MTMR10: variants seen among roughly 807,000 people sequenced by gnomAD.
The protein encoded by MTMR10 is myotubularin related protein 10.
A neutral mutation model predicts 88.1 loss-of-function variants in MTMR10; 56 were observed. The ratio of observed to expected loss-of-function variants is 0.64; its 90% CI spans 0.51 to 0.79. The LOEUF is 0.79. Ranked by LOEUF, MTMR10 falls within the 30% of genes least tolerant of loss-of-function variation. MTMR10 has a pLI of 0.00. For missense variants in MTMR10, 883 were observed against 924.7 expected (o/e 0.95, Z 0.58); for synonymous variants, 380 against 340.9 (o/e 1.11, Z -1.26).
chr15:30,944,559 CTG>C (rs2063139990), intron 14 of MTMR10, among the ~76,000 whole-genome samples: 1 of 135,478 alleles, frequency 7.4e-6, no homozygotes, highest in African/African-American at 2.9e-5. Flanking sequence ...GAGCAAGACT[CTG>C]TCTCAAAAAA....
intron 12 of MTMR10, chr15:30,948,746 G>T: frequency 2.0e-6 from 1 of 496,002 alleles, no homozygotes; most frequent in Non-Finnish European, 3.5e-6. Flanking sequence ...ATGGTTTGTG[G>T]TAGAAAATCC....
downstream of MTMR10, among the ~76,000 whole-genome samples, chr15:30,936,689 C>T (rs2062863592): frequency 6.6e-6 from 1 of 152,182 alleles, no homozygotes; most frequent in Non-Finnish European, 1.5e-5. Context: ...ACATATTTAT[C>T]CCACCAAACC....
the MTMR10 span, among the ~76,000 whole-genome samples, chr15:30,932,760 C>G: frequency 2.0e-5 from 3 of 146,380 alleles, no homozygotes; most frequent in African/African-American, 7.6e-5. Flanking sequence ...GTCGCCCAGA[C>G]TGGAGTGTAG....
At chr15:30,944,213 T>A (rs2063133275) in intron 14 of MTMR10, among the ~76,000 whole-genome samples, 1 of 152,162 alleles carries the variant, frequency 6.6e-6, no homozygotes, top group African/African-American at 2.4e-5. Flanking sequence ...TGTAAAGTTT[T>A]ACAAAATTTT....
chr15:30,947,140 T>C lies in MTMR10; in HGVS notation c.1538A>G (p.Lys513Arg), dbSNP rs745875526. The C allele has an allele frequency of 1.9e-6, 3 of 1,605,612 alleles. No individual in the cohort carries two copies. The highest frequency in any genetic ancestry group is 1.7e-5 in the Admixed American group (1 of 57,854). The change falls in exon 14 of 16, where the codon AAG becomes AGG. Residue 513 changes from lysine to arginine, a missense_variant. Coordinates refer to ENST00000435680, the MANE Select transcript of MTMR10 (RefSeq NM_017762.3). The stretch of plus-strand genomic sequence containing the variant: ...CACAGGGTTGCTTACCGTGCTTTGC[T>C]TCACTCGCTGGTGAGGGGAGTTGAA... ...FLFNSPHQRV[K>R]QSTEFAISKN...
At chr15:30,989,853 G>C (rs572655035) in intron 2 of MTMR10, among the ~76,000 whole-genome samples, 31 of 152,158 alleles carry the variant, frequency 2.0e-4, no homozygotes, top group South Asian at 4.1e-4. Context: ...CCAAAGTGCT[G>C]GGATTACAGG....
intron 14 of MTMR10, 54 bp from the exon 15 acceptor site, chr15:30,943,126 C>CT (rs1363288072): frequency 7.4e-5 from 111 of 1,504,874 alleles, no homozygotes; most frequent in Non-Finnish European, 9.1e-5. Context: ...TCATGAATGC[C>CT]TTTTTTCAGA....
intron 6 of MTMR10, among the ~76,000 whole-genome samples, chr15:30,963,615 C>G (rs1199587078): frequency 1.3e-5 from 2 of 151,402 alleles, no homozygotes; most frequent in Non-Finnish European, 2.9e-5. Context: ...CCAGCCTGAG[C>G]GACACAGCGA....
the MTMR10 span, chr15:30,928,365 A>AT: frequency 1.4e-6 from 2 of 1,405,610 alleles, no homozygotes; most frequent in African/African-American, 2.9e-5. Flanking sequence ...TCTGTATATA[A>AT]ACAACATACT....
chr15:30,991,406 C>T (rs756004819), intron 1 of MTMR10, 41 bp downstream of exon 1: 1 of 1,443,790 alleles, frequency 6.9e-7, no homozygotes, highest in East Asian at 2.8e-5. Flanking sequence ...TCCACGGAAG[C>T]GCAGAGGAGA....
At chr15:30,927,096 G>C in the MTMR10 span, 1 of 939,996 alleles carries the variant, frequency 1.1e-6, no homozygotes, top group Non-Finnish European at 1.3e-6. Context: ...AGGATCACTT[G>C]AACTCTGAAG....
chr15:30,929,827 TATATA>T, the MTMR10 span, among the ~76,000 whole-genome samples: 6 of 79,956 alleles, frequency 7.5e-5, 1 homozygote, highest in South Asian at 3.0e-4. Flanking sequence ...TATTATATCA[TATATA>T]ATATAATATA....
chr15:30,931,223 C>G, the MTMR10 span, among the ~76,000 whole-genome samples: 1 of 152,102 alleles, frequency 6.6e-6, no homozygotes, highest in African/African-American at 2.4e-5. Context: ...TTAAAAAGCT[C>G]AGAGAGTGAA....
downstream of MTMR10, among the ~76,000 whole-genome samples, chr15:30,934,515 A>G (rs1282976699): frequency 6.6e-6 from 1 of 152,126 alleles, no homozygotes; most frequent in East Asian, 1.9e-4. Context: ...CTGGAACCAC[A>G]GGTGCACGCC....
At position 30,946,674 on chromosome 15, in the gene MTMR10, A is replaced by G. The variant is rs147358188; in HGVS notation, c.1548+456T>C. On this transcript the variant is annotated intron_variant, in intron 14 of 15. Coordinates refer to ENST00000435680, the MANE Select transcript of MTMR10 (RefSeq NM_017762.3). ...TCAGAATGGTTTCAAGTTTGGCTTG[A>G]GACCCTGCTTAGTCATAAATCCTCT... 4,229 of 695,378 alleles carry G rather than the reference A, an allele frequency of 6.1e-3. 18 individuals carry two copies. Among genetic ancestry groups the G allele is most frequent in the Non-Finnish European group, 8.9e-3 (3,417 of 381,946 alleles). 43.1% of individuals were successfully genotyped at this position (695,378 alleles called of 1,614,324 possible).
At chr15:30,957,297 A>T (rs2063340616) in intron 9 of MTMR10, among the ~76,000 whole-genome samples, 1 of 152,370 alleles carries the variant, frequency 6.6e-6, no homozygotes, top group Non-Finnish European at 1.5e-5. Context: ...TGTAACACAC[A>T]CATATATAAT....
At chr15:30,967,343 G>A (rs1247562667) in intron 6 of MTMR10, among the ~76,000 whole-genome samples, 10 of 152,140 alleles carry the variant, frequency 6.6e-5, no homozygotes, top group African/African-American at 2.4e-4. Context: ...CCCTGGTCAT[G>A]TCATGACTGT....
At chr15:30,928,351 A>G in the MTMR10 span, 2 of 1,319,000 alleles carry the variant, frequency 1.5e-6, no homozygotes, top group East Asian at 6.0e-5. Context: ...TTTGCCCTTA[A>G]GGCTCTGTAT....
chr15:30,970,445 T>C (rs2063523951), intron 5 of MTMR10, among the ~76,000 whole-genome samples: 1 of 152,114 alleles, frequency 6.6e-6, no homozygotes, highest in South Asian at 2.1e-4. Context: ...CTGCACAGAC[T>C]TGAGTAAAGA....
Sources: allele counts gnomAD v4.1 joint callset (sites outside exome capture counted in the v4.1 genomes callset), GRCh38; gene constraint gnomAD v4.1.1; transcripts MANE v1.5; gene names NCBI Gene and HGNC (gene_info 2026-07-23, HGNC 2026-07-21).